Variants in SLC25A38 observed in about 807,000 individuals in gnomAD.
The protein encoded by SLC25A38 is solute carrier family 25 member 38.
SLC25A38 carries 27 observed loss-of-function variants against 33.4 expected under a neutral mutation model. The ratio of observed to expected loss-of-function variants is 0.81; its 90% CI spans 0.60 to 1.11. The LOEUF (loss-of-function observed/expected upper bound fraction) is 1.11. Ranked by LOEUF, SLC25A38 falls within the 50% of genes most tolerant of loss-of-function variation. SLC25A38 has a pLI of 0.00. For synonymous variants in SLC25A38, 123 were observed against 145.9 expected (o/e 0.84, Z 1.13); for missense variants, 344 against 388.8 (o/e 0.88, Z 0.97).
chr3:39,390,050 C>T (rs931880824), intron 2 of SLC25A38, among the ~76,000 whole-genome samples: 7 of 152,202 alleles, frequency 4.6e-5, no homozygotes, highest in African/African-American at 1.7e-4. Context: ...AAGGGATTCT[C>T]CTGCCTCAGC....
chr3:39,393,850 T>C (rs992363462), intron 5 of SLC25A38, among the ~76,000 whole-genome samples: 11 of 152,206 alleles, frequency 7.2e-5, no homozygotes, highest in African/African-American at 2.7e-4. Flanking sequence ...TACTTCGTAG[T>C]AGTCCTGTGT....
At position 39,396,303 on chromosome 3, in the gene SLC25A38, C is replaced by T. The variant is rs188913637; in HGVS notation, c.793-95C>T. On this transcript the variant is annotated intron_variant, in intron 6 of 6. Coordinates refer to ENST00000650617, the MANE Select transcript of SLC25A38 (RefSeq NM_017875.4). ...TAAAGTTTAGAAACTAAGTCTTAAA[C>T]ATGGGATAACAGAGACCCTCACTGT... is the stretch of plus-strand genomic sequence containing the variant. 19 of 1,573,410 alleles carry T rather than the reference C, an allele frequency of 1.2e-5. No individual in the cohort carries two copies. In the East Asian group the frequency reaches 2.9e-4, roughly 24 times the overall value.
intron 3 of SLC25A38, among the ~76,000 whole-genome samples, chr3:39,390,965 A>G: frequency 6.6e-6 from 1 of 152,210 alleles, no homozygotes; most frequent in East Asian, 1.9e-4. Context: ...TGTTTTCAAG[A>G]GTATAGGCCA....
At chr3:39,384,180 A>G (rs1055490359) in intron 1 of SLC25A38, among the ~76,000 whole-genome samples, 1 of 152,188 alleles carries the variant, frequency 6.6e-6, no homozygotes, top group Admixed American at 6.5e-5. Context: ...GACGCTGAGA[A>G]GCCGTTGATG....
In SLC25A38 at chr3:39,397,315, G is replaced by A. The variant is rs1289795601; in HGVS notation, c.*795G>A. 1 of 152,420 alleles carries A rather than the reference G, an allele frequency of 6.6e-6. No homozygotes were observed. Among genetic ancestry groups the A allele is most frequent in the African/African-American group, 2.4e-5 (1 of 41,426 alleles). The allele number at this position is 152,420 out of a possible 1,614,324, so 9.4% of individuals were successfully genotyped here. ...TTCTAAAATAAAATAGTTCTAGGGT[G>A]GCTGGTTATTGACCTATGTAGGTCC... On this transcript the variant is annotated 3_prime_UTR_variant, in exon 7 of 7. Coordinates refer to ENST00000650617, the MANE Select transcript of SLC25A38 (RefSeq NM_017875.4).
At chr3:39,394,686 TC>T in intron 6 of SLC25A38, 110 bp downstream of exon 6, 1 of 1,320,532 alleles carries the variant, frequency 7.6e-7, no homozygotes, top group Non-Finnish European at 1.1e-6. Context: ...CTTTTAAAAA[TC>T]CCCATGCCCA....
rs1248848432 is a variant in SLC25A38, at chr3:39,390,549, T to G, written c.276+42T>G. 3 of 1,583,030 alleles carry G rather than the reference T, an allele frequency of 1.9e-6. No homozygotes were observed. The Admixed American group carries it at 5.0e-5, about 26-fold the overall frequency. ...GTCTAGGTTCCCTAGCATCCACTCC[T>G]TAATAACCAGCTATTTCTCATCTAC... On this transcript the variant is annotated intron_variant, in intron 3 of 6. Coordinates refer to ENST00000650617, the MANE Select transcript of SLC25A38 (RefSeq NM_017875.4).
intron 1 of SLC25A38, among the ~76,000 whole-genome samples, chr3:39,387,311 T>C (rs2041717552): frequency 6.6e-6 from 1 of 152,158 alleles, no homozygotes; most frequent in Admixed American, 6.5e-5. Context: ...CATAAGATGC[T>C]ATGAGATTTT....
At chr3:39,396,066 C>T (rs187652251) in intron 6 of SLC25A38, among the ~76,000 whole-genome samples, 2 of 151,980 alleles carry the variant, frequency 1.3e-5, no homozygotes, top group East Asian at 1.9e-4. Flanking sequence ...GAAAATTAGC[C>T]GGGCGTGGTG....
intron 5 of SLC25A38, among the ~76,000 whole-genome samples, chr3:39,393,848 A>G (rs1453136629): frequency 6.6e-6 from 1 of 152,200 alleles, no homozygotes; most frequent in East Asian, 1.9e-4. Flanking sequence ...TGTACTTCGT[A>G]GTAGTCCTGT....
chr3:39,391,870 T>C lies in SLC25A38; in HGVS notation c.474T>C (p.Tyr158=). 1.2e-6 allele frequency: 2 copies of C among 1,613,656 alleles called. No homozygotes were observed. Among genetic ancestry groups the C allele is most frequent in the Non-Finnish European group, 1.7e-6 (2 of 1,179,968 alleles). The change falls in exon 5 of 7, where the codon TAT becomes TAC. Residue 158 remains tyrosine, a synonymous_variant. Coordinates refer to ENST00000650617, the MANE Select transcript of SLC25A38 (RefSeq NM_017875.4). ...CTTTGCAGAGTGGGAAATATGGCTATGAGAGTATCTACGCTGCCCTGAGGA... is the reference window on the plus strand; with the variant it reads ...CTTTGCAGAGTGGGAAATATGGCTACGAGAGTATCTACGCTGCCCTGAGGA... The part of the protein sequence containing the change: ...KTRYESGKYG[Y]ESIYAALRSI...
intron 2 of SLC25A38, 138 bp from the exon 3 acceptor site, chr3:39,390,285 A>G (rs2041747329): frequency 7.0e-6 from 6 of 855,056 alleles, no homozygotes; most frequent in South Asian, 2.8e-5. Flanking sequence ...CACATAGAGT[A>G]TCTCCAAGGT....
At position 39,389,486 on chromosome 3, in the gene SLC25A38, A is replaced by G. The variant is rs760431452; in HGVS notation, c.70-9A>G. 2 of 1,614,242 alleles carry G rather than the reference A, an allele frequency of 1.2e-6. No individual in the cohort carries two copies. The highest frequency in any genetic ancestry group is 8.5e-7 in the Non-Finnish European group (1 of 1,180,046). On this transcript the variant is annotated splice_polypyrimidine_tract_variant and intron_variant, in intron 1 of 6. Transcript: ENST00000650617. The surrounding 1 kb of genome is among the most constrained non-coding windows in gnomAD (Gnocchi z 4.5). ...AGAGCTACTGACACAATATTGTCTT[A>G]TCCTGCAGTTACATCCGGTGATCAA...
chr3:39,392,094 G>A, intron 5 of SLC25A38, 73 bp downstream of exon 5: 1 of 1,576,644 alleles, frequency 6.3e-7, no homozygotes, highest in Non-Finnish European at 8.7e-7. Context: ...TCTGGGATAT[G>A]AGACTATGTG....
rs2041775399 is a variant in SLC25A38 at position 39,391,941 on chromosome 3, C to G, written c.545C>G (p.Thr182Arg). 3 of 1,614,202 alleles carry G rather than the reference C, an allele frequency of 1.9e-6. No individual in the cohort carries two copies. The highest frequency in any genetic ancestry group is 2.5e-6 in the Non-Finnish European group (3 of 1,180,036). Residue 182 changes from threonine (T) to arginine (R), a missense_variant, in exon 5 of 7, where the codon ACA (threonine) becomes AGA (arginine). By Grantham distance (71) the Thr-to-Arg change is moderately conservative. This residue lies in a region of SLC25A38 where 269 missense variants were observed against 271.8 expected (regional missense o/e 0.99). Transcript: ENST00000650617. Reference sequence around the variant, plus strand: ...CACCGGGGCCTCTTCAGTGGCCTGACAGCAACTCTCCTTCGAGATGCGCCC... The same window carrying G: ...CACCGGGGCCTCTTCAGTGGCCTGAGAGCAACTCTCCTTCGAGATGCGCCC... Reference protein sequence around the residue: ...EGHRGLFSGLTATLLRDAPFS... With the variant: ...EGHRGLFSGLRATLLRDAPFS...
In SLC25A38 at chr3:39,392,021, G is replaced by A. The variant is rs146864395; in HGVS notation, c.625G>A (p.Asp209Asn). Residue 209 changes from aspartate to asparagine, a missense_variant and splice_region_variant, in exon 5 of 7, where the codon GAC becomes AAC. Physicochemically the swap from Asp to Asn is conservative, Grantham distance 23. Coordinates refer to ENST00000650617, the MANE Select transcript of SLC25A38 (RefSeq NM_017875.4). ...YNQTKNIVPHDQVDATLIPIT... is the reference protein window; with the variant it reads ...YNQTKNIVPHNQVDATLIPIT... Reference sequence around the variant, plus strand: ...CCAGACCAAAAATATAGTGCCTCATGGTAGGGATAAAGGAAGATCTGGGGA... The same window carrying A: ...CCAGACCAAAAATATAGTGCCTCATAGTAGGGATAAAGGAAGATCTGGGGA... 199 of 1,614,062 alleles carry A rather than the reference G, an allele frequency of 1.2e-4. No homozygotes were observed. The highest frequency in any genetic ancestry group is 1.7e-4 in the Non-Finnish European group (195 of 1,180,032).
Position 39,389,243 on chromosome 3 carries a change from C to G in SLC25A38, c.70-252C>G. On this transcript the variant is annotated intron_variant, in intron 1 of 6. Coordinates refer to ENST00000650617, the MANE Select transcript of SLC25A38 (RefSeq NM_017875.4). This position sits in a 1 kb window ranked among gnomAD's most constrained non-coding sequence, Gnocchi z 4.5. The stretch of plus-strand genomic sequence containing the variant: ...TCAGTGGCATGGAAATAGTTTTGCT[C>G]CCACTGAGCAATATGTCTATCAGCA... The G allele has an allele frequency of 2.9e-6, 2 of 693,682 alleles. No homozygotes were observed. The highest frequency in any genetic ancestry group is 5.2e-6 in the Non-Finnish European group (2 of 383,268). The allele number at this position is 693,682 out of a possible 1,614,324, so 43.0% of individuals were successfully genotyped here. A position where few individuals can be genotyped will look rare whatever the true frequency, so the allele number is the denominator to read the frequency against.
In SLC25A38 at chr3:39,395,308, C is replaced by T. The variant is rs977646997; in HGVS notation, c.792+732C>T. Among the ~76,000 whole-genome samples, 7 of 152,168 alleles carry T rather than the reference C, an allele frequency of 4.6e-5. No individual in the cohort carries two copies. The East Asian group carries it at 9.7e-4, about 21-fold the overall frequency. On this transcript the variant is annotated intron_variant, in intron 6 of 6. Transcript: ENST00000650617. ...ATAGTAGAGGCTGGGTGCGGTGGCT[C>T]ATGCTGGTAATCCCAGCATTTTGGG...
In SLC25A38 at chr3:39,396,744, G is replaced by C; in HGVS notation, c.*224G>C. 2 of 660,092 alleles carry C rather than the reference G, an allele frequency of 3.0e-6. No individual in the cohort carries two copies. Among genetic ancestry groups the C allele is most frequent in the Admixed American group, 2.4e-5 (1 of 42,128 alleles). 40.9% of individuals were successfully genotyped at this position (660,092 alleles called of 1,614,324 possible). A position where few individuals can be genotyped will look rare whatever the true frequency, so the allele number is the denominator to read the frequency against. ...AGTCATCAATTCATAGAGCACACTA[G>C]GGTGTTAGGAGAGAGCTTTGCATAC... On this transcript the variant is annotated 3_prime_UTR_variant, in exon 7 of 7. Transcript: ENST00000650617.
Sources: allele counts gnomAD v4.1 joint callset (sites outside exome capture counted in the v4.1 genomes callset), GRCh38; gene constraint gnomAD v4.1.1; regional missense constraint gnomAD v4.1.1; non-coding constraint Gnocchi (gnomAD v3.1); transcripts MANE v1.5; gene names NCBI Gene and HGNC (gene_info 2026-07-23, HGNC 2026-07-21).